NMU: variants seen among roughly 807,000 people sequenced by gnomAD.
NMU encodes neuromedin U.
Under a neutral mutation model 35.4 loss-of-function variants are expected in NMU, and 29 were observed. The observed-to-expected ratio is 0.82, with a 90% CI of 0.61 to 1.12. NMU has a LOEUF of 1.12. NMU is among the 50% of genes most tolerant of loss of function. The pLI, the probability that NMU is intolerant of heterozygous loss-of-function variation, is 0.00. For synonymous variants in NMU, 78 were observed against 81.3 expected (o/e 0.96, Z 0.22); for missense variants, 199 against 206.2 (o/e 0.97, Z 0.21).
intron 3 of NMU, among the ~76,000 whole-genome samples, chr4:55,611,220 A>AG (rs1345557404): frequency 6.6e-6 from 1 of 151,936 alleles, no homozygotes; most frequent in Non-Finnish European, 1.5e-5. Flanking sequence ...AAAATTAGCC[A>AG]GGTGTGGTGG....
Position 55,607,410 on chromosome 4 carries a change from G to C in NMU, c.309+27C>G, listed in dbSNP as rs765706063. The C allele has an allele frequency of 6.5e-6, 8 of 1,221,940 alleles. No homozygotes were observed. The African/African-American group carries it at 9.0e-5, about 14-fold the overall frequency. The allele number at this position is 1,221,940 out of a possible 1,614,324, so 75.7% of individuals were successfully genotyped here. ...TAATGGTTCCCTTATTATTTTATAA[G>C]GTATAGATGTATGAAAATCATCTTA... On this transcript the variant is annotated intron_variant, in intron 5 of 9. Coordinates refer to ENST00000264218, the MANE Select transcript of NMU (RefSeq NM_006681.4).
chr4:55,598,244 A>C (rs993892011), intron 9 of NMU, among the ~76,000 whole-genome samples: 1 of 151,816 alleles, frequency 6.6e-6, no homozygotes, highest in Non-Finnish European at 1.5e-5. Context: ...GGCATGCACC[A>C]CCACATCTGG....
intron 4 of NMU, among the ~76,000 whole-genome samples, chr4:55,608,075 T>C (rs1577942964): frequency 1.4e-5 from 2 of 146,516 alleles, no homozygotes; most frequent in African/African-American, 5.1e-5. Context: ...TTCAGGAGGC[T>C]GAGGCAGAAG....
chr4:55,627,950 C>A (rs1734600011), intron 2 of NMU, among the ~76,000 whole-genome samples: 1 of 152,186 alleles, frequency 6.6e-6, no homozygotes, highest in African/African-American at 2.4e-5. Context: ...TATCAAACTT[C>A]TAGAGCAAGT....
chr4:55,617,283 T>A (rs2110201216), intron 2 of NMU, among the ~76,000 whole-genome samples: 1 of 152,330 alleles, frequency 6.6e-6, no homozygotes, highest in Admixed American at 6.5e-5. Context: ...GAACATGTCC[T>A]AAAATATATT....
chr4:55,614,327 A>G (rs1040458326), intron 3 of NMU, among the ~76,000 whole-genome samples: 6 of 152,066 alleles, frequency 3.9e-5, no homozygotes, highest in Non-Finnish European at 8.8e-5. Context: ...CCATATTTAT[A>G]TGGTTTTTAA....
chr4:55,608,830 G>A (rs1330420638), intron 4 of NMU, among the ~76,000 whole-genome samples: 1 of 151,370 alleles, frequency 6.6e-6, no homozygotes, highest in Non-Finnish European at 1.5e-5. Flanking sequence ...ATGAGTCAGG[G>A]CAAAAAAAAG....
intron 3 of NMU, among the ~76,000 whole-genome samples, chr4:55,614,169 A>G (rs528014805): frequency 6.6e-6 from 1 of 152,316 alleles, no homozygotes; most frequent in South Asian, 2.1e-4. Context: ...TTTCAAAACT[A>G]AAAAATTATA....
intron 1 of NMU, among the ~76,000 whole-genome samples, chr4:55,632,850 A>T (rs1412061848): frequency 6.6e-6 from 1 of 152,028 alleles, no homozygotes; most frequent in Non-Finnish European, 1.5e-5. Context: ...CCATTTCCCA[A>T]GCTTGCATGG....
At chr4:55,597,836 T>C (rs1733252201) in intron 9 of NMU, among the ~76,000 whole-genome samples, 1 of 152,112 alleles carries the variant, frequency 6.6e-6, no homozygotes, top group Non-Finnish European at 1.5e-5. Context: ...AAAGTACTCT[T>C]TCATGATTTT....
At chr4:55,626,303 C>T (rs1734527766) in intron 2 of NMU, among the ~76,000 whole-genome samples, 1 of 152,272 alleles carries the variant, frequency 6.6e-6, no homozygotes, top group South Asian at 2.1e-4. Flanking sequence ...CTGTTCTTAT[C>T]CTTTGACTAT....
chr4:55,601,951 C>G (rs2110183234), intron 7 of NMU, among the ~76,000 whole-genome samples: 1 of 152,120 alleles, frequency 6.6e-6, no homozygotes, highest in South Asian at 2.1e-4. Flanking sequence ...AAGCCATGAT[C>G]ACGTCACTGC....
intron 3 of NMU, 115 bp from the exon 4 acceptor site, chr4:55,609,294 T>A (rs1316811148): frequency 3.8e-6 from 3 of 787,748 alleles, no homozygotes; most frequent in Non-Finnish European, 6.6e-6. Context: ...TGGAAAAGAA[T>A]CCTTCTGTAG....
chr4:55,630,288 T>A (rs1187337733), intron 2 of NMU, 114 bp downstream of exon 2: 2 of 854,792 alleles, frequency 2.3e-6, no homozygotes, highest in Non-Finnish European at 3.8e-6. Context: ...CTGGGTTTTA[T>A]TATTAGAGTG....
upstream of NMU, chr4:55,636,536 A>G (rs769671158): frequency 4.8e-5 from 11 of 229,134 alleles, no homozygotes; most frequent in Middle Eastern, 5.8e-3. This position sits in a 1 kb window ranked among gnomAD's most constrained non-coding sequence, Gnocchi z 4.0. Flanking sequence ...ATAATGCACC[A>G]TTCCCACCTT....
In NMU at chr4:55,630,413, A is replaced by G; in HGVS notation, c.160T>C (p.Leu54=). The change falls in exon 2 of 10, where the codon TTG becomes CTG. Residue 54 remains leucine, a synonymous_variant. Coordinates refer to ENST00000264218, the MANE Select transcript of NMU (RefSeq NM_006681.4). ...TGATAGTTCCTTACCTCATTCCACA[A>G]CTGTAGCTGTTGTTCAGGCTGTAAT... ...QGLQPEQQLQ[L]WNEIDDTCSS... The G allele has an allele frequency of 1.9e-6, 3 of 1,612,112 alleles. No homozygotes were observed. The highest frequency in any genetic ancestry group is 2.5e-6 in the Non-Finnish European group (3 of 1,178,416).
chr4:55,604,027 A>ATATACATGTGTATATATACACATGT (rs1733567304), intron 7 of NMU, among the ~76,000 whole-genome samples: 37 of 28,906 alleles, frequency 1.3e-3, no homozygotes, highest in East Asian at 3.1e-3. Flanking sequence ...GTATATATAT[A>ATATACATGTGTATATATACACATGT]ATCCTAGAAA....
rs531664345 is a variant in NMU at position 55,605,617 on chromosome 4, T to C, written c.361-268A>G. The stretch of plus-strand genomic sequence containing the variant: ...CACTTTCCTGACGGCTGCAGCTCTC[T>C]TGTGAACTGTCAGCAAGTAAAACCC... On this transcript the variant is annotated intron_variant, in intron 6 of 9. Transcript: ENST00000264218. Among the ~76,000 whole-genome samples the C allele has an allele frequency of 5.8e-4, 88 of 152,368 alleles. No individual in the cohort carries two copies. Among genetic ancestry groups the C allele is most frequent in the Non-Finnish European group, 1.1e-3 (73 of 68,036 alleles).
intron 9 of NMU, among the ~76,000 whole-genome samples, chr4:55,597,372 T>C (rs1327659134): frequency 6.6e-6 from 1 of 151,784 alleles, no homozygotes; most frequent in Admixed American, 6.6e-5. Context: ...AGTATAGTTT[T>C]GAGTGGGCAT....
Sources: gnomAD v4.1 joint callset for allele counts (sites outside exome capture counted in the v4.1 genomes callset) on GRCh38, gnomAD v4.1.1 for gene constraint, Gnocchi (gnomAD v3.1) non-coding constraint, MANE v1.5 for transcripts, NCBI Gene and HGNC (gene_info 2026-07-23, HGNC 2026-07-21) for gene names.